The following CCDC198 variants were observed in gnomAD, a reference collection of about 807,000 sequenced individuals.
The protein encoded by CCDC198 is coiled-coil domain containing 198, also known as factor associated with metabolism and energy.
A neutral mutation model predicts 35.6 loss-of-function variants in CCDC198; 18 were observed. That is an observed-to-expected ratio of 0.51 (90% CI 0.35 to 0.75). CCDC198 has a LOEUF of 0.75. CCDC198 is among the 30% of genes least tolerant of loss of function. CCDC198 has a pLI of 0.01. For synonymous variants in CCDC198, 119 were observed against 113.4 expected (o/e 1.05, Z -0.31); for missense variants, 365 against 343.7 (o/e 1.06, Z -0.49).
intron 2 of CCDC198, among the ~76,000 whole-genome samples, chr14:57,488,023 C>A (rs1173408591): frequency 6.6e-6 from 1 of 152,110 alleles, no homozygotes; most frequent in Non-Finnish European, 1.5e-5. Context: ...CTCATTGGAC[C>A]AGAGCTGAAA....
At chr14:57,480,837 A>G in intron 4 of CCDC198, 83 bp from the exon 5 acceptor site, 1 of 1,426,888 alleles carries the variant, frequency 7.0e-7, no homozygotes, top group South Asian at 1.2e-5. Flanking sequence ...CCACTTTGCA[A>G]GTTGTGTGCT....
At chr14:57,483,268 C>T in intron 2 of CCDC198, 117 bp from the exon 3 acceptor site, 2 of 1,471,444 alleles carry the variant, frequency 1.4e-6, no homozygotes, top group Non-Finnish European at 1.9e-6. Context: ...TTTCTGAGAG[C>T]ATACAGGAAA....
intron 4 of CCDC198, among the ~76,000 whole-genome samples, chr14:57,480,955 C>CA (rs1216635399): frequency 4.6e-5 from 7 of 152,156 alleles, no homozygotes; most frequent in African/African-American, 1.4e-4. Context: ...AAGGTGAGTG[C>CA]ACCCAGTCTC....
intron 5 of CCDC198, among the ~76,000 whole-genome samples, chr14:57,472,600 A>G (rs766457104): frequency 6.6e-6 from 1 of 152,222 alleles, no homozygotes; most frequent in Non-Finnish European, 1.5e-5. Flanking sequence ...CCTTTTAGAA[A>G]GAGATGTCTA....
At chr14:57,482,922 C>T (rs2139515611) in intron 3 of CCDC198, 143 bp downstream of exon 3, 1 of 1,149,750 alleles carries the variant, frequency 8.7e-7, no homozygotes, top group Non-Finnish European at 1.2e-6. Flanking sequence ...GAAAAGTTCT[C>T]ACTCTGAATG....
At position 57,473,897 on chromosome 14, in the gene CCDC198, A is replaced by G. The variant is rs113588142; in HGVS notation, c.656-2307T>C. Among the ~76,000 whole-genome samples, 3 of 152,328 alleles carry G rather than the reference A, an allele frequency of 2.0e-5. 1 individual carries two copies. Among genetic ancestry groups the G allele is most frequent in the East Asian group, 3.9e-4 (2 of 5,186 alleles). On this transcript the variant is annotated intron_variant, in intron 5 of 5. Transcript: ENST00000216445. ...TGAATCTCTCATTCACCTAGAGTCCATCGTGTTCCTTCCCACTGCAGGACT... is the reference window on the plus strand; with the variant it reads ...TGAATCTCTCATTCACCTAGAGTCCGTCGTGTTCCTTCCCACTGCAGGACT...
rs1295563472 is a variant in CCDC198, at chr14:57,469,612, T to C, written c.*1743A>G. The C allele has an allele frequency of 6.6e-6, 1 of 152,200 alleles. No homozygotes were observed. The highest frequency in any genetic ancestry group is 1.5e-5 in the Non-Finnish European group (1 of 68,040). The allele number at this position is 152,200 out of a possible 1,614,324, so 9.4% of individuals were successfully genotyped here. A position where few individuals can be genotyped will look rare whatever the true frequency, so the allele number is the denominator to read the frequency against. On this transcript the variant is annotated 3_prime_UTR_variant, in exon 6 of 6. Coordinates refer to ENST00000216445, the MANE Select transcript of CCDC198 (RefSeq NM_018168.4). ...TTGTTTATCCTCTCAAGGATCTCATTTTTTCTAGAAAGCTGGCTAGTCAAA... is the reference window on the plus strand; with the variant it reads ...TTGTTTATCCTCTCAAGGATCTCATCTTTTCTAGAAAGCTGGCTAGTCAAA...
intron 5 of CCDC198, 138 bp downstream of exon 5, chr14:57,480,457 A>T: frequency 8.2e-7 from 1 of 1,213,724 alleles, no homozygotes; most frequent in Non-Finnish European, 1.1e-6. Flanking sequence ...CATGCCCACT[A>T]TATTCTGGGA....
intron 2 of CCDC198, 132 bp from the exon 3 acceptor site, chr14:57,483,283 A>T: frequency 7.5e-7 from 1 of 1,340,530 alleles, no homozygotes; most frequent in Non-Finnish European, 1.0e-6. Context: ...AGGAAAGGTG[A>T]TTCTAACAGC....
chr14:57,476,049 C>T (rs1414671508), intron 5 of CCDC198, among the ~76,000 whole-genome samples: 2 of 151,884 alleles, frequency 1.3e-5, no homozygotes, highest in East Asian at 1.9e-4. Flanking sequence ...GTGATCCACC[C>T]TCCTCAGCCT....
intron 3 of CCDC198, 37 bp downstream of exon 3, chr14:57,483,028 C>A (rs1176069516): frequency 1.9e-6 from 3 of 1,613,424 alleles, no homozygotes; most frequent in Non-Finnish European, 2.5e-6. Flanking sequence ...CGCCCACCCC[C>A]AGTTCACCTC....
chr14:57,475,695 G>C, intron 5 of CCDC198: 1 of 391,640 alleles, frequency 2.6e-6, no homozygotes, highest in Middle Eastern at 4.2e-4. Context: ...TAACAGGAGC[G>C]AAACTCTGTC....
intron 3 of CCDC198, among the ~76,000 whole-genome samples, 195 bp downstream of exon 3, chr14:57,482,870 A>G (rs1202940818): frequency 6.6e-6 from 1 of 152,232 alleles, no homozygotes; most frequent in Non-Finnish European, 1.5e-5. Context: ...GGTAATAGCC[A>G]CTGCCAGTTG....
chr14:57,493,674 T>C lies in CCDC198; in HGVS notation c.42A>G (p.Lys14=). The part of the protein sequence containing the change: ...SHSKTHLRVI[K]VAPLQNKEVE... ...CCTCTTTGTTTTGCAAAGGTGCTAC[T>C]TTGATCACCCTAAGGTGAGTCTTAG... Residue 14 remains lysine, a synonymous_variant, in exon 1 of 6, where the codon AAA becomes AAG. Coordinates refer to ENST00000216445, the MANE Select transcript of CCDC198 (RefSeq NM_018168.4). The C allele has an allele frequency of 6.2e-7, 1 of 1,613,830 alleles. No individual in the cohort carries two copies. The highest frequency in any genetic ancestry group is 8.5e-7 in the Non-Finnish European group (1 of 1,179,886).
chr14:57,478,996 A>G, intron 5 of CCDC198: 1 of 1,289,350 alleles, frequency 7.8e-7, no homozygotes, highest in Non-Finnish European at 1.0e-6. Context: ...GTGTGTGAAC[A>G]ATATTGGAAA....
chr14:57,484,821 G>T (rs61997494), intron 2 of CCDC198, among the ~76,000 whole-genome samples: 24,958 of 152,066 alleles, frequency 0.16, 2,181 homozygotes, highest in Non-Finnish European at 0.19. Flanking sequence ...AGTGACACGA[G>T]TACATTTGCT....
chr14:57,493,248 T>C (rs2067636883), intron 1 of CCDC198, among the ~76,000 whole-genome samples: 1 of 152,210 alleles, frequency 6.6e-6, no homozygotes. Context: ...CAAAATGATT[T>C]ATCCTTCTCA....
At chr14:57,479,263 A>G (rs1396639337) in intron 5 of CCDC198, among the ~76,000 whole-genome samples, 2 of 152,034 alleles carry the variant, frequency 1.3e-5, no homozygotes, top group Non-Finnish European at 2.9e-5. Flanking sequence ...AGTTTATTTT[A>G]TTTTATTGAG....
intron 5 of CCDC198, chr14:57,475,394 G>T: frequency 9.7e-7 from 1 of 1,033,456 alleles, no homozygotes; most frequent in Non-Finnish European, 1.2e-6. Context: ...TTAAAATAAT[G>T]GATTCAAAGT....
Sources: gnomAD v4.1 joint callset for allele counts (sites outside exome capture counted in the v4.1 genomes callset) on GRCh38, gnomAD v4.1.1 for gene constraint, MANE v1.5 for transcripts, NCBI Gene and HGNC (gene_info 2026-07-23, HGNC 2026-07-21) for gene names.